FAM76A: variants seen among roughly 807,000 people sequenced by gnomAD.
FAM76A encodes the protein protein FAM76A.
A neutral mutation model predicts 46.2 loss-of-function variants in FAM76A; 32 were observed. The observed-to-expected ratio is 0.69, with a 90% CI of 0.52 to 0.93. FAM76A has a LOEUF of 0.93. FAM76A is among the 40% of genes least tolerant of loss of function. FAM76A has a pLI of 0.00. For synonymous variants in FAM76A, 137 were observed against 127.0 expected (o/e 1.08, Z -0.53); for missense variants, 274 against 361.5 (o/e 0.76, Z 1.96).
Position 27,755,286 on chromosome 1 carries a change from A to G in FAM76A, c.691A>G (p.Met231Val). 1 of 1,614,206 alleles carries G rather than the reference A, an allele frequency of 6.2e-7. No homozygotes were observed. The highest frequency in any genetic ancestry group is 1.6e-4 in the Middle Eastern group (1 of 6,062). ...GGAAGAAGTGGCTACCCTGAAGAAG[A>G]TGTTGCATCAAAAGGATCAAATGAT... ...LKEEVATLKK[M>V]LHQKDQMILE... The change falls in exon 7 of 9, where the codon ATG (methionine) becomes GTG (valine). Residue 231 changes from methionine to valine, a missense_variant. By Grantham distance (21) the Met-to-Val change is conservative. Transcript: ENST00000373954.
chr1:27,744,582 A>T (rs2088209402), intron 4 of FAM76A, 72 bp from the exon 5 acceptor site: 2 of 1,527,820 alleles, frequency 1.3e-6, no homozygotes, highest in Admixed American at 1.7e-5. Context: ...CAAAGATTCT[A>T]GCTCCCAATA....
At chr1:27,727,346 C>A in intron 1 of FAM76A, 126 bp from the exon 2 acceptor site, 1 of 724,220 alleles carries the variant, frequency 1.4e-6, no homozygotes, top group Non-Finnish European at 2.4e-6. Flanking sequence ...AAATAAGGCC[C>A]AGAAAGTTTA....
intron 5 of FAM76A, among the ~76,000 whole-genome samples, chr1:27,748,702 C>CT (rs1156962326): frequency 2.0e-5 from 3 of 151,640 alleles, no homozygotes; most frequent in African/African-American, 7.3e-5. Context: ...AGGATGGTCT[C>CT]AATCTCCTGA....
At chr1:27,740,533 A>AGG in intron 4 of FAM76A, 1 of 1,342,292 alleles carries the variant, frequency 7.4e-7, no homozygotes, top group South Asian at 1.2e-5. Flanking sequence ...TTATGTCTGG[A>AGG]AGCGTTGTTA....
At chr1:27,727,926 G>A (rs760675435) in intron 2 of FAM76A, among the ~76,000 whole-genome samples, 16 of 148,534 alleles carry the variant, frequency 1.1e-4, no homozygotes, top group Non-Finnish European at 1.9e-4. Context: ...TTATGCCTCA[G>A]CCTCCCAAGT....
rs1378431570 is a variant in FAM76A, at chr1:27,762,237, G to C, written c.*1656G>C. The C allele has an allele frequency of 2.6e-5, 4 of 152,084 alleles. No homozygotes were observed. Among genetic ancestry groups the C allele is most frequent in the African/African-American group, 9.7e-5 (4 of 41,408 alleles). The allele number at this position is 152,084 out of a possible 1,614,324, so 9.4% of individuals were successfully genotyped here. On this transcript the variant is annotated 3_prime_UTR_variant, in exon 9 of 9. Coordinates refer to ENST00000373954, the MANE Select transcript of FAM76A (RefSeq NM_152660.3). The stretch of plus-strand genomic sequence containing the variant: ...TAGGAATATGGATTTACTTTTCCAG[G>C]AAAGGGGATAGATTTACATTTCTAG...
intron 1 of FAM76A, among the ~76,000 whole-genome samples, chr1:27,727,025 A>T (rs2087872875): frequency 1.3e-5 from 2 of 152,126 alleles, no homozygotes; most frequent in African/African-American, 4.8e-5. Context: ...GTTTTTATAT[A>T]CCAGGTCTGG....
At chr1:27,743,686 G>C (rs569131789) in intron 4 of FAM76A, among the ~76,000 whole-genome samples, 1 of 152,114 alleles carries the variant, frequency 6.6e-6, no homozygotes, top group African/African-American at 2.4e-5. Flanking sequence ...GATTGCCTGA[G>C]TCCAGGAGGT....
At chr1:27,753,721 G>A (rs2088365822) in intron 6 of FAM76A, among the ~76,000 whole-genome samples, 1 of 152,182 alleles carries the variant, frequency 6.6e-6, no homozygotes, top group African/African-American at 2.4e-5. Flanking sequence ...TTTGTCCACT[G>A]GTTAGGCTTG....
chr1:27,726,765 T>G (rs2087868483), intron 1 of FAM76A, among the ~76,000 whole-genome samples: 1 of 152,194 alleles, frequency 6.6e-6, no homozygotes, highest in African/African-American at 2.4e-5. Context: ...GTTGGTGGTC[T>G]TCGGTCTTCC....
intron 1 of FAM76A, among the ~76,000 whole-genome samples, chr1:27,726,708 C>T (rs1415756454): frequency 6.6e-6 from 1 of 152,010 alleles, no homozygotes; most frequent in African/African-American, 2.4e-5. Flanking sequence ...TTTAAAAAAG[C>T]CCCACAGTCA....
chr1:27,728,097 C>T (rs1309706460), intron 2 of FAM76A, among the ~76,000 whole-genome samples: 1 of 152,098 alleles, frequency 6.6e-6, no homozygotes, highest in Admixed American at 6.6e-5. Context: ...TGAGCCACCA[C>T]GCCCAGCCTG....
chr1:27,739,560 G>A, intron 4 of FAM76A: 1 of 319,046 alleles, frequency 3.1e-6, no homozygotes, highest in Non-Finnish European at 6.0e-6. Context: ...GCCGAGGCAG[G>A]TGGATCACTT....
intron 5 of FAM76A, among the ~76,000 whole-genome samples, chr1:27,748,795 T>G (rs899355157): frequency 1.6e-4 from 25 of 152,198 alleles, no homozygotes; most frequent in Non-Finnish European, 1.2e-4. Flanking sequence ...ATTGAAGTTT[T>G]ATTGATATTT....
chr1:27,730,917 C>T (rs1300230856), intron 2 of FAM76A, among the ~76,000 whole-genome samples: 3 of 151,888 alleles, frequency 2.0e-5, no homozygotes, highest in South Asian at 2.1e-4. Flanking sequence ...CCAGGCTGAG[C>T]CTCCTAAAGT....
At chr1:27,732,023 T>C (rs2087965150) in intron 2 of FAM76A, among the ~76,000 whole-genome samples, 1 of 152,086 alleles carries the variant, frequency 6.6e-6, no homozygotes, top group South Asian at 2.1e-4. Context: ...AGTTTCACCA[T>C]GTTGGCTGGG....
In FAM76A at chr1:27,746,594, T is replaced by G. The variant is rs528977079; in HGVS notation, c.512+1783T>G. Among the ~76,000 whole-genome samples, 6 of 151,762 alleles carry G rather than the reference T, an allele frequency of 4.0e-5. No individual in the cohort carries two copies. The East Asian group carries it at 1.2e-3, about 29-fold the overall frequency. On this transcript the variant is annotated intron_variant, in intron 5 of 8. Coordinates refer to ENST00000373954, the MANE Select transcript of FAM76A (RefSeq NM_152660.3). ...ATACAAAAAGTGGCCAGGTGTGGTG[T>G]TGCATGCCTGTAATCCCAGCTACTC... is the stretch of plus-strand genomic sequence containing the variant.
chr1:27,760,793 G>A lies in FAM76A; in HGVS notation c.*212G>A, dbSNP rs904253531. The A allele has an allele frequency of 4.0e-5, 11 of 273,990 alleles. No homozygotes were observed. The East Asian group carries it at 4.7e-4, about 12-fold the overall frequency. 17.0% of individuals were successfully genotyped at this position (273,990 alleles called of 1,614,324 possible). On this transcript the variant is annotated 3_prime_UTR_variant, in exon 9 of 9. Coordinates refer to ENST00000373954, the MANE Select transcript of FAM76A (RefSeq NM_152660.3). ...CTTGAGTGTTTGGGATTTCAAGCTCGCTCTCTTTCTCTCACTATTAGGACT... is the reference window on the plus strand; with the variant it reads ...CTTGAGTGTTTGGGATTTCAAGCTCACTCTCTTTCTCTCACTATTAGGACT...
intron 4 of FAM76A, chr1:27,740,495 A>G: frequency 6.9e-7 from 1 of 1,439,692 alleles, no homozygotes; most frequent in Non-Finnish European, 9.7e-7. Context: ...CACTGTCCAC[A>G]AGTGTGCAGA....
Sources: allele counts gnomAD v4.1 joint callset (sites outside exome capture counted in the v4.1 genomes callset), GRCh38; gene constraint gnomAD v4.1.1; transcripts MANE v1.5; gene names NCBI Gene and HGNC (gene_info 2026-07-23, HGNC 2026-07-21).